DAB1: variants seen among roughly 807,000 people sequenced by gnomAD.
DAB1 encodes DAB adaptor protein 1.
DAB1 carries 15 observed loss-of-function variants against 64.6 expected under a neutral mutation model. The observed-to-expected ratio is 0.23, with a 90% CI of 0.16 to 0.36. The LOEUF (loss-of-function observed/expected upper bound fraction) is 0.36, where lower values mean the gene tolerates loss of function less well. Among genes scored for constraint, DAB1 ranks in the 10% least tolerant of loss-of-function variants. The pLI is 1.00. For missense variants in DAB1, 596 were observed against 706.7 expected, an observed-to-expected ratio of 0.84 and a Z score of 1.78; for synonymous variants, 235 against 251.9, an observed-to-expected ratio of 0.93 and a Z score of 0.64.
chr1:57,438,742 T>C (rs377587187), intron 7 of DAB1, among the ~76,000 whole-genome samples: 59 of 152,266 alleles, frequency 3.9e-4, no homozygotes, highest in African/African-American at 1.4e-3. Flanking sequence ...TTTCACATGA[T>C]GTATATGATC....
At chr1:57,987,265 C>T (rs1387710233) in intron 5 of DAB1, among the ~76,000 whole-genome samples, 3 of 152,156 alleles carry the variant, frequency 2.0e-5, no homozygotes, top group Non-Finnish European at 4.4e-5. Context: ...ACAATTCTTC[C>T]CAGCCACATA....
At chr1:57,054,470 CTTTTTTTTTTTT>C in intron 9 of DAB1, among the ~76,000 whole-genome samples, 1 of 69,472 alleles carries the variant, frequency 1.4e-5, no homozygotes, top group African/African-American at 5.6e-5. Flanking sequence ...CAGGAATGTG[CTTTTTTTTTTTT>C]TTTTTTTTTT....
chr1:57,349,923 G>A (rs559410763), intron 1 of DAB1, among the ~76,000 whole-genome samples: 4 of 152,270 alleles, frequency 2.6e-5, no homozygotes, highest in African/African-American at 7.2e-5. Context: ...TGGCCATCCT[G>A]ACATAGACAC....
chr1:57,573,966 T>A (rs1186826662), intron 7 of DAB1, among the ~76,000 whole-genome samples: 1 of 152,166 alleles, frequency 6.6e-6, no homozygotes, highest in Non-Finnish European at 1.5e-5. Context: ...TCACAACTCA[T>A]GTGGCTTGGG....
intron 7 of DAB1, among the ~76,000 whole-genome samples, chr1:57,522,024 C>G (rs992496826): frequency 6.6e-6 from 1 of 151,968 alleles, no homozygotes; most frequent in South Asian, 2.1e-4. Flanking sequence ...GCAGGAGAAT[C>G]GCTTGAACCC....
chr1:58,049,522 C>T lies in DAB1; in HGVS notation n.387+100989G>A, dbSNP rs373588334. 8.5e-5 allele frequency among the ~76,000 whole-genome samples: 13 copies of T among 152,138 alleles called. No individual in the cohort carries two copies. In the East Asian group the frequency reaches 2.3e-3, roughly 27 times the overall value. On this transcript the variant is annotated intron_variant and non_coding_transcript_variant, in intron 5 of 20. Coordinates refer to the DAB1 transcript ENST00000485760. ...AATTATAATTCTTTCCAAATTAGAA[C>T]CAAGTATATGACATAGGTTGTGACC... is the stretch of plus-strand genomic sequence containing the variant.
intron 4 of DAB1, among the ~76,000 whole-genome samples, chr1:58,266,656 C>G (rs1354496427): frequency 2.6e-5 from 4 of 152,158 alleles, no homozygotes; most frequent in African/African-American, 9.7e-5. Flanking sequence ...GTTTCTCACC[C>G]AATCCTCCTA....
chr1:58,201,987 C>A (rs1319510604), intron 4 of DAB1, among the ~76,000 whole-genome samples: 1 of 152,114 alleles, frequency 6.6e-6, no homozygotes, highest in Non-Finnish European at 1.5e-5. Context: ...CTTCAGCAAG[C>A]TCCTCAGCCC....
intron 4 of DAB1, among the ~76,000 whole-genome samples, chr1:58,169,459 T>C (rs866368014): frequency 1.3e-5 from 2 of 152,144 alleles, no homozygotes; most frequent in African/African-American, 2.4e-5. Flanking sequence ...TCCTAAGCCA[T>C]TGGGAACAAT....
At chr1:58,054,194 T>A (rs1037613138) in intron 5 of DAB1, among the ~76,000 whole-genome samples, 2 of 152,272 alleles carry the variant, frequency 1.3e-5, no homozygotes, top group African/African-American at 4.8e-5. Flanking sequence ...TCTGTCTGAA[T>A]AATTAGCAAT....
chr1:58,147,550 A>C (rs1654674086), intron 5 of DAB1, among the ~76,000 whole-genome samples: 1 of 149,546 alleles, frequency 6.7e-6, no homozygotes, highest in Non-Finnish European at 1.5e-5. Flanking sequence ...CAGGAGGCGG[A>C]GCTTGCAGTG....
intron 3 of DAB1, among the ~76,000 whole-genome samples, chr1:58,441,381 C>T (rs938508088): frequency 1.3e-5 from 2 of 152,176 alleles, no homozygotes; most frequent in African/African-American, 2.4e-5. Context: ...CTCTCAGTGC[C>T]GGCTACATAC....
intron 4 of DAB1, among the ~76,000 whole-genome samples, chr1:57,115,719 C>T (rs1192875237): frequency 1.3e-5 from 2 of 152,124 alleles, no homozygotes; most frequent in African/African-American, 2.4e-5. Context: ...AGGAAGAAGG[C>T]AACATGAGCT....
At chr1:58,394,951 G>T (rs1052440785) in intron 3 of DAB1, among the ~76,000 whole-genome samples, 1 of 151,748 alleles carries the variant, frequency 6.6e-6, no homozygotes, top group African/African-American at 2.4e-5. Context: ...GATGTCCAAA[G>T]ATAAGATATA....
At chr1:58,393,894 A>G (rs1287268668) in intron 3 of DAB1, among the ~76,000 whole-genome samples, 4 of 152,368 alleles carry the variant, frequency 2.6e-5, no homozygotes, top group Non-Finnish European at 5.9e-5. Context: ...ACACATAAAA[A>G]GTATGTGAGC....
At chr1:57,400,364 GCGTGGCACATAACCCA>G (rs1683145659) in intron 1 of DAB1, among the ~76,000 whole-genome samples, 1 of 152,110 alleles carries the variant, frequency 6.6e-6, no homozygotes, top group Non-Finnish European at 1.5e-5. Context: ...CTGAAATTTT[GCGTGGCACATAACCCA>G]CGTGGCTTAT....
At chr1:57,753,976 T>C (rs1648674155) in intron 6 of DAB1, among the ~76,000 whole-genome samples, 1 of 152,208 alleles carries the variant, frequency 6.6e-6, no homozygotes, top group South Asian at 2.1e-4. Context: ...AGTCTAATCT[T>C]TCCAGTTTAG....
At chr1:57,567,531 T>A (rs1202555488) in intron 7 of DAB1, among the ~76,000 whole-genome samples, 3 of 152,166 alleles carry the variant, frequency 2.0e-5, no homozygotes, top group Non-Finnish European at 4.4e-5. Context: ...GAAAACCCCA[T>A]CGTCTCAGCC....
At position 57,828,861 on chromosome 1, in the gene DAB1, T is replaced by C. The variant is rs550671171; in HGVS notation, n.88-2406A>G. Among the ~76,000 whole-genome samples the C allele has an allele frequency of 1.7e-3, 252 of 152,318 alleles. 2 individuals are homozygous for C. Among genetic ancestry groups the C allele is most frequent in the Middle Eastern group, 3.4e-3 (1 of 294 alleles). On this transcript the variant is annotated intron_variant and non_coding_transcript_variant, in intron 1 of 1. Transcript: ENST00000477280. ...CTGAGAGGAAAAGATGACAAACCGGTGATTTAAATATCACCTAAGAATACA... is the reference window on the plus strand; with the variant it reads ...CTGAGAGGAAAAGATGACAAACCGGCGATTTAAATATCACCTAAGAATACA...
Sources: gnomAD v4.1 joint callset for allele counts (sites outside exome capture counted in the v4.1 genomes callset) on GRCh38, gnomAD v4.1.1 for gene constraint, MANE v1.5 for transcripts, NCBI Gene and HGNC (gene_info 2026-07-23, HGNC 2026-07-21) for gene names.